The following ADGRB3 variants were observed in gnomAD, a reference collection of about 807,000 sequenced individuals.
ADGRB3 encodes the protein brain-specific angiogenesis inhibitor 3.
Under a neutral mutation model 193.4 loss-of-function variants are expected in ADGRB3, and 37 were observed. The observed-to-expected ratio is 0.19, with a 90% CI of 0.15 to 0.25. The LOEUF (loss-of-function observed/expected upper bound fraction) is 0.25. Among genes scored for constraint, ADGRB3 ranks in the 10% least tolerant of loss-of-function variants. The pLI is 1.00. For synonymous variants in ADGRB3, 690 were observed against 644.2 expected (o/e 1.07, Z -1.08); for missense variants, 1,637 against 1,852.9 (o/e 0.88, Z 2.14).
At chr6:68,747,174 T>C (rs1289287599) in intron 3 of ADGRB3, among the ~76,000 whole-genome samples, 2 of 152,196 alleles carry the variant, frequency 1.3e-5, no homozygotes, top group Non-Finnish European at 2.9e-5. Flanking sequence ...GATATAAAAA[T>C]ATTTCCCCTG....
chr6:69,178,710 C>G (rs1775500506), intron 17 of ADGRB3, among the ~76,000 whole-genome samples: 1 of 152,104 alleles, frequency 6.6e-6, no homozygotes, highest in Non-Finnish European at 1.5e-5. Flanking sequence ...ACTTATGAAG[C>G]TTAGTTTGGC....
chr6:69,241,377 AT>A (rs745440437), intron 20 of ADGRB3, among the ~76,000 whole-genome samples: 1 of 151,938 alleles, frequency 6.6e-6, no homozygotes, highest in Non-Finnish European at 1.5e-5. Context: ...ATATTTTACA[AT>A]CTTTTTTAAG....
chr6:68,763,795 G>A (rs973115849), intron 3 of ADGRB3, among the ~76,000 whole-genome samples: 3 of 151,986 alleles, frequency 2.0e-5, no homozygotes, highest in Non-Finnish European at 4.4e-5. Context: ...GTGCGGTGGC[G>A]GTGGTGGTGG....
intron 20 of ADGRB3, among the ~76,000 whole-genome samples, chr6:69,266,976 T>A (rs1278167316): frequency 6.6e-6 from 1 of 152,062 alleles, no homozygotes; most frequent in Non-Finnish European, 1.5e-5. Flanking sequence ...CAGAAGTATT[T>A]TTTGTATAAG....
At chr6:69,137,537 G>A (rs921447660) in intron 17 of ADGRB3, among the ~76,000 whole-genome samples, 2 of 152,166 alleles carry the variant, frequency 1.3e-5, no homozygotes. Flanking sequence ...GGTGGCTCAT[G>A]CCTGTAATCC....
At chr6:68,870,009 T>C (rs926808793) in intron 3 of ADGRB3, among the ~76,000 whole-genome samples, 3 of 152,164 alleles carry the variant, frequency 2.0e-5, no homozygotes, top group Non-Finnish European at 2.9e-5. Context: ...GAACTCTTGA[T>C]CTCAAGTAGT....
chr6:68,757,593 C>A (rs1766320864), intron 3 of ADGRB3, among the ~76,000 whole-genome samples: 1 of 151,978 alleles, frequency 6.6e-6, no homozygotes, highest in Non-Finnish European at 1.5e-5. Flanking sequence ...AGTGCTGTGT[C>A]CCTTCATTTC....
chr6:68,858,936 G>C (rs185579352), intron 3 of ADGRB3, among the ~76,000 whole-genome samples: 1 of 152,178 alleles, frequency 6.6e-6, no homozygotes, highest in Non-Finnish European at 1.5e-5. Context: ...TTGGAGATTA[G>C]CATTTGGCTC....
intron 13 of ADGRB3, among the ~76,000 whole-genome samples, chr6:69,031,049 C>T (rs1490491400): frequency 0.054 from 821 of 15,112 alleles, 142 homozygotes; most frequent in Middle Eastern, 0.1. Flanking sequence ...CTCTTCTCTT[C>T]TCTTCTCTTC....
chr6:69,165,777 G>A (rs1775115847), intron 17 of ADGRB3, among the ~76,000 whole-genome samples: 1 of 151,700 alleles, frequency 6.6e-6, no homozygotes, highest in African/African-American at 2.4e-5. Context: ...TTTTACAAAT[G>A]TATGAGACAC....
intron 20 of ADGRB3, among the ~76,000 whole-genome samples, chr6:69,272,306 G>T (rs1012630171): frequency 2.0e-5 from 3 of 152,196 alleles, no homozygotes; most frequent in African/African-American, 7.2e-5. Flanking sequence ...CCCTGGAGGA[G>T]ATGGGCAGGT....
At chr6:69,031,712 A>G (rs987495010) in intron 13 of ADGRB3, among the ~76,000 whole-genome samples, 2 of 150,520 alleles carry the variant, frequency 1.3e-5, no homozygotes, top group Non-Finnish European at 1.5e-5. Context: ...TCAGCTCACT[A>G]CAACCTCCAC....
chr6:69,143,182 T>A (rs537706426), intron 17 of ADGRB3, among the ~76,000 whole-genome samples: 1 of 152,326 alleles, frequency 6.6e-6, no homozygotes, highest in South Asian at 2.1e-4. Context: ...GTACGTCTTG[T>A]TTTGAGAAAT....
intron 3 of ADGRB3, among the ~76,000 whole-genome samples, chr6:68,796,270 T>C (rs1156952296): frequency 2.0e-5 from 3 of 152,022 alleles, no homozygotes; most frequent in African/African-American, 2.4e-5. Flanking sequence ...TATCAACATA[T>C]TTTTTTATAT....
chr6:68,868,936 TGTGTGAGTGTGTGTG>T (rs1765383337), intron 3 of ADGRB3, among the ~76,000 whole-genome samples: 1 of 150,566 alleles, frequency 6.6e-6, no homozygotes, highest in African/African-American at 2.4e-5. Context: ...TGTGTGTGTG[TGTGTGAGTGTGTGTG>T]TTTAAACTTA....
intron 4 of ADGRB3, among the ~76,000 whole-genome samples, chr6:68,934,728 A>C (rs947892770): frequency 5.9e-5 from 9 of 152,144 alleles, no homozygotes; most frequent in African/African-American, 1.9e-4. Flanking sequence ...ATATATGTGG[A>C]TTTTTTAACT....
intron 3 of ADGRB3, among the ~76,000 whole-genome samples, chr6:68,667,269 A>G (rs1315709120): frequency 2.0e-5 from 3 of 151,888 alleles, no homozygotes; most frequent in African/African-American, 7.2e-5. Context: ...ACAAGTGATT[A>G]TTTGTTCATA....
intron 20 of ADGRB3, among the ~76,000 whole-genome samples, chr6:69,263,435 T>C (rs1161370962): frequency 3.3e-5 from 5 of 152,016 alleles, no homozygotes; most frequent in East Asian, 1.9e-4. Context: ...CACAAGAAAG[T>C]TGATGACTCA....
chr6:69,067,607 G>T (rs73745943), intron 16 of ADGRB3, among the ~76,000 whole-genome samples: 9 of 151,998 alleles, frequency 5.9e-5, no homozygotes, highest in Non-Finnish European at 1.3e-4. Context: ...TTTCACAAAG[G>T]GCTGTTTGAT....
Sources: gnomAD v4.1 joint callset for allele counts (sites outside exome capture counted in the v4.1 genomes callset) on GRCh38, gnomAD v4.1.1 for gene constraint, MANE v1.5 for transcripts, NCBI Gene and HGNC (gene_info 2026-07-23, HGNC 2026-07-21) for gene names.